Variants in DYM observed in about 807,000 individuals in gnomAD.
DYM encodes dyggve-Melchior-Clausen syndrome protein.
In DYM, 78 loss-of-function variants were observed where a neutral mutation model predicts 93.1. That is an observed-to-expected ratio of 0.84 (90% CI 0.70 to 1.01). The LOEUF is 1.01. DYM is among the 50% of genes least tolerant of loss of function. DYM has a pLI of 0.00. For missense variants in DYM, 789 were observed against 845.0 expected, an observed-to-expected ratio of 0.93 and a Z score of 0.82; for synonymous variants, 321 against 319.7, an observed-to-expected ratio of 1.00 and a Z score of -0.04.
intron 8 of DYM, among the ~76,000 whole-genome samples, chr18:49,288,768 A>G (rs2059827514): frequency 6.6e-6 from 1 of 152,110 alleles, no homozygotes; most frequent in Non-Finnish European, 1.5e-5. Flanking sequence ...CGACAGAGTA[A>G]GACTCTGTCT....
chr18:49,292,629 C>A (rs6507897), intron 8 of DYM, among the ~76,000 whole-genome samples: 118,605 of 119,676 alleles, frequency 0.99, 58,770 homozygotes, highest in Middle Eastern at 1. Flanking sequence ...AAAAAAACCC[C>A]CACAAAAACC....
At position 49,430,333 on chromosome 18, in the gene DYM, G is replaced by C. The variant is rs777213848; in HGVS notation, c.62C>G (p.Ser21Ter). The change falls in exon 2 of 18, where the codon TCA becomes TGA. Residue 21 changes from serine to a stop codon, truncating the protein, a stop_gained. Transcript: ENST00000675505. LOFTEE classifies it high-confidence loss of function. ...LPKNEYLKKL[S>*]GTESISENDP... ...ATTCTCAGAGATAGATTCCGTGCCT[G>C]ATAACTTTTTCAAGTACTCATTTTT... is the stretch of plus-strand genomic sequence containing the variant. The C allele has an allele frequency of 1.9e-6, 3 of 1,614,042 alleles. No homozygotes were observed. Among genetic ancestry groups the C allele is most frequent in the Non-Finnish European group, 1.7e-6 (2 of 1,180,002 alleles).
intron 17 of DYM, among the ~76,000 whole-genome samples, chr18:49,087,199 C>T (rs969348534): frequency 6.6e-6 from 1 of 152,100 alleles, no homozygotes; most frequent in African/African-American, 2.4e-5. Flanking sequence ...TTACACACTA[C>T]CCAGTTTAAA....
intron 14 of DYM, among the ~76,000 whole-genome samples, chr18:49,187,137 T>C (rs2090520779): frequency 6.6e-6 from 1 of 152,034 alleles, no homozygotes; most frequent in Non-Finnish European, 1.5e-5. Flanking sequence ...GCCAGGATAG[T>C]CTCAATCTCC....
chr18:49,177,031 T>C (rs2089459620), intron 14 of DYM, among the ~76,000 whole-genome samples: 1 of 152,178 alleles, frequency 6.6e-6, no homozygotes, highest in African/African-American at 2.4e-5. Context: ...GACCCTTTCT[T>C]AGTCTCTTGA....
intron 5 of DYM, among the ~76,000 whole-genome samples, chr18:49,366,538 C>T (rs12458077): frequency 0.086 from 13,134 of 152,156 alleles, 758 homozygotes; most frequent in East Asian, 0.31. Context: ...CCTGCTATAG[C>T]ACCAGCTACT....
At chr18:49,090,374 A>G (rs567724421) in intron 17 of DYM, among the ~76,000 whole-genome samples, 2 of 152,358 alleles carry the variant, frequency 1.3e-5, no homozygotes, top group South Asian at 4.1e-4. Flanking sequence ...TCCCCCAGCA[A>G]AAAGGTAACA....
intron 15 of DYM, among the ~76,000 whole-genome samples, chr18:49,148,295 A>T (rs1481871663): frequency 6.6e-6 from 1 of 152,134 alleles, no homozygotes; most frequent in Non-Finnish European, 1.5e-5. Context: ...ATACATATGT[A>T]ACAAACCTGC....
intron 8 of DYM, among the ~76,000 whole-genome samples, chr18:49,295,687 T>C (rs1428201687): frequency 2.0e-5 from 3 of 152,210 alleles, no homozygotes; most frequent in Admixed American, 2.0e-4. Flanking sequence ...GTCTGGTCTC[T>C]ACTAAAAGCC....
intron 17 of DYM, among the ~76,000 whole-genome samples, chr18:49,072,160 C>T (rs981491230): frequency 6.6e-6 from 1 of 152,208 alleles, no homozygotes; most frequent in Non-Finnish European, 1.5e-5. Flanking sequence ...AATAATTTAA[C>T]CTTCACTTAT....
chr18:49,222,206 T>G (rs2093389886), intron 13 of DYM, among the ~76,000 whole-genome samples: 1 of 152,046 alleles, frequency 6.6e-6, no homozygotes, highest in African/African-American at 2.4e-5. Flanking sequence ...AAACATTATA[T>G]TTATGTTATT....
chr18:49,086,974 T>C (rs1010650937), intron 17 of DYM, among the ~76,000 whole-genome samples: 1 of 150,622 alleles, frequency 6.6e-6, no homozygotes, highest in Non-Finnish European at 1.5e-5. Context: ...GGTAACAGAG[T>C]GAAGCTCATG....
At chr18:49,182,302 C>G (rs1600406431) in intron 14 of DYM, among the ~76,000 whole-genome samples, 1 of 152,054 alleles carries the variant, frequency 6.6e-6, no homozygotes, top group African/African-American at 2.4e-5. Flanking sequence ...TAAATGTCAA[C>G]GAGGTGAAGT....
intron 6 of DYM, among the ~76,000 whole-genome samples, chr18:49,351,855 C>A (rs1354540885): frequency 6.6e-6 from 1 of 152,106 alleles, no homozygotes; most frequent in Non-Finnish European, 1.5e-5. Flanking sequence ...CCAAAAATGG[C>A]TTTAAAGAAT....
intron 15 of DYM, among the ~76,000 whole-genome samples, chr18:49,133,594 C>T (rs2083569577): frequency 6.6e-6 from 1 of 152,228 alleles, no homozygotes; most frequent in South Asian, 2.1e-4. Flanking sequence ...TATTCTCCTG[C>T]TGGTATAAGC....
chr18:49,246,312 C>G (rs1157928225), intron 13 of DYM, among the ~76,000 whole-genome samples: 2 of 152,144 alleles, frequency 1.3e-5, no homozygotes, highest in African/African-American at 2.4e-5. Context: ...TTTGTTTATT[C>G]CCATTTCTCC....
intron 6 of DYM, among the ~76,000 whole-genome samples, chr18:49,354,628 A>T (rs1355818959): frequency 6.6e-6 from 1 of 152,056 alleles, no homozygotes; most frequent in Non-Finnish European, 1.5e-5. Flanking sequence ...CCAAAGACTA[A>T]CAGATATATC....
chr18:49,454,815 G>A (rs2082837241), intron 1 of DYM, among the ~76,000 whole-genome samples: 1 of 150,598 alleles, frequency 6.6e-6, no homozygotes, highest in Non-Finnish European at 1.5e-5. Flanking sequence ...GGCTGAGGCA[G>A]GAGAATGGCG....
At chr18:49,222,334 T>TA (rs1443483903) in intron 13 of DYM, among the ~76,000 whole-genome samples, 1 of 151,894 alleles carries the variant, frequency 6.6e-6, no homozygotes, top group African/African-American at 2.4e-5. Context: ...TGAAGAGACC[T>TA]AAAAAAAATT....
Sources: gnomAD v4.1 joint callset for allele counts (sites outside exome capture counted in the v4.1 genomes callset) on GRCh38, gnomAD v4.1.1 for gene constraint, MANE v1.5 for transcripts, NCBI Gene and HGNC (gene_info 2026-07-23, HGNC 2026-07-21) for gene names.